SFXN3: variants seen among roughly 807,000 people sequenced by gnomAD.
SFXN3 encodes the protein sideroflexin 3.
A neutral mutation model predicts 40.4 loss-of-function variants in SFXN3; 31 were observed. The observed-to-expected ratio is 0.77, with a 90% CI of 0.58 to 1.04. The LOEUF is 1.04. SFXN3 is among the 50% of genes least tolerant of loss of function. The pLI, the probability that SFXN3 is intolerant of heterozygous loss-of-function variation, is 0.00. For synonymous variants in SFXN3, 157 were observed against 160.0 expected, an observed-to-expected ratio of 0.98 and a Z score of 0.14; for missense variants, 366 against 408.2, an observed-to-expected ratio of 0.90 and a Z score of 0.89.
rs1482692249 is a variant in SFXN3 at position 101,036,415 on chromosome 10, A to G, written c.432-71A>G. ...ATGCCTCATGTATTGAGGACTTGGC[A>G]TATCCCTAAAGGAAAGGGCCACCTG... On this transcript the variant is annotated intron_variant, in intron 5 of 11. Transcript: ENST00000393459. This position sits in a 1 kb window ranked among gnomAD's most constrained non-coding sequence, Gnocchi z 4.2. The G allele has an allele frequency of 1.4e-6, 2 of 1,442,696 alleles. No individual in the cohort carries two copies. Among genetic ancestry groups the G allele is most frequent in the East Asian group, 2.3e-5 (1 of 43,748 alleles). 89.4% of individuals were successfully genotyped at this position (1,442,696 alleles called of 1,614,324 possible).
Position 101,039,040 on chromosome 10 carries a change from C to T in SFXN3, c.822-135C>T, listed in dbSNP as rs990381221. ...GAACCTGATGTCCAGGTTGGGTTTA[C>T]TATTCCTAAAAGGTCCTTTCAGCTT... is the stretch of plus-strand genomic sequence containing the variant. On this transcript the variant is annotated intron_variant, in intron 10 of 11. Transcript: ENST00000393459. The surrounding 1 kb of genome is among the most constrained non-coding windows in gnomAD (Gnocchi z 4.6). The T allele has an allele frequency of 3.9e-6, 3 of 765,390 alleles. No homozygotes were observed. The African/African-American group carries it at 5.3e-5, about 14-fold the overall frequency. 47.4% of individuals were successfully genotyped at this position (765,390 alleles called of 1,614,324 possible). A position where few individuals can be genotyped will look rare whatever the true frequency, so the allele number is the denominator to read the frequency against.
In SFXN3 at chr10:101,037,495, ACT is replaced by A. The variant is rs1025014977; in HGVS notation, c.771+72_771+73del. The A allele has an allele frequency of 3.7e-6, 6 of 1,613,040 alleles. No homozygotes were observed. The African/African-American group carries it at 6.7e-5, about 18-fold the overall frequency. ...GGCTGGGAGAAGTGACCAGGCCCCAACTCTCTCTCCAGCCTCGCCTGATTCTC... is the reference window on the plus strand; with the variant it reads ...GGCTGGGAGAAGTGACCAGGCCCCAACTCTCTCCAGCCTCGCCTGATTCTC... On this transcript the variant is annotated intron_variant, in intron 9 of 11. Transcript: ENST00000393459.
At chr10:101,031,943 G>A (rs1938239324) in intron 1 of SFXN3, 1 of 153,864 alleles carries the variant, frequency 6.5e-6, no homozygotes, top group South Asian at 2.0e-4. Context: ...GGATACTGGG[G>A]TAGGAGCCCA....
chr10:101,034,641 G>C (rs777064559), intron 2 of SFXN3, 51 bp from the exon 3 acceptor site: 2 of 1,592,060 alleles, frequency 1.3e-6, no homozygotes, highest in African/African-American at 2.7e-5. Flanking sequence ...CCCCTAGCTG[G>C]AGCCCTTGGA....
At chr10:101,037,660 A>G in intron 9 of SFXN3, 9 of 1,431,240 alleles carry the variant, frequency 6.3e-6, no homozygotes, top group Non-Finnish European at 8.2e-6. Context: ...CAACTTCATC[A>G]GTGTTACTCC....
In SFXN3 at chr10:101,039,023, T is replaced by C. The variant is rs1029245357; in HGVS notation, c.822-152T>C. 1.4e-6 allele frequency: 1 copy of C among 692,950 alleles called. No homozygotes were observed. Among genetic ancestry groups the C allele is most frequent in the African/African-American group, 1.8e-5 (1 of 55,272 alleles). The allele number at this position is 692,950 out of a possible 1,614,324, so 42.9% of individuals were successfully genotyped here. A position where few individuals can be genotyped will look rare whatever the true frequency, so the allele number is the denominator to read the frequency against. ...GGGGCTCTCTTTCCTCAGAACCTGA[T>C]GTCCAGGTTGGGTTTACTATTCCTA... On this transcript the variant is annotated intron_variant, in intron 10 of 11. Transcript: ENST00000393459. This position sits in a 1 kb window ranked among gnomAD's most constrained non-coding sequence, Gnocchi z 4.6.
intron 3 of SFXN3, among the ~76,000 whole-genome samples, chr10:101,035,198 T>G (rs1280953806): frequency 6.6e-6 from 1 of 152,206 alleles, no homozygotes; most frequent in Non-Finnish European, 1.5e-5. Context: ...GAGGAAAAAC[T>G]CTTGCAATGC....
chr10:101,036,730 C>T lies in SFXN3; in HGVS notation c.515C>T (p.Pro172Leu). 6.2e-7 allele frequency: 1 copy of T among 1,610,418 alleles called. No homozygotes were observed. The highest frequency in any genetic ancestry group is 8.5e-7 in the Non-Finnish European group (1 of 1,177,042). ...AACACCCTTCCTCCCCAGCACCTGCCCCCCTTGGTCGGCAGATTTGTGCCC... is the reference window on the plus strand; with the variant it reads ...AACACCCTTCCTCCCCAGCACCTGCTCCCCTTGGTCGGCAGATTTGTGCCC... Residue 172 changes from proline (P) to leucine (L), a missense_variant, in exon 7 of 12, where the codon CCC (proline) becomes CTC (leucine). Pro to Leu is a moderately conservative substitution (Grantham distance 98). Transcript: ENST00000393459. The surrounding 1 kb of genome is among the most constrained non-coding windows in gnomAD (Gnocchi z 4.2).
Position 101,036,037 on chromosome 10 carries a change from A to T in SFXN3, c.367A>T (p.Asn123Tyr). Residue 123 changes from asparagine to tyrosine, a missense_variant, in exon 5 of 12, where the codon AAT becomes TAT. By Grantham distance (143) the Asn-to-Tyr change is moderately radical (BLOSUM62 -2). Coordinates refer to ENST00000393459, the Ensembl canonical transcript of SFXN3. The surrounding 1 kb of genome is among the most constrained non-coding windows in gnomAD (Gnocchi z 4.2). Reference sequence around the variant, plus strand: ...AACCGTGGTGTTCTGGCAGTGGGTGAATCAGTCCTTCAATGCCATTGTTAA... The same window carrying T: ...AACCGTGGTGTTCTGGCAGTGGGTGTATCAGTCCTTCAATGCCATTGTTAA... 6.2e-7 allele frequency: 1 copy of T among 1,614,054 alleles called. No homozygotes were observed. Among genetic ancestry groups the T allele is most frequent in the East Asian group, 2.2e-5 (1 of 44,884 alleles).
chr10:101,036,437 C>G lies in SFXN3; in HGVS notation c.432-49C>G. ...GGCATATCCCTAAAGGAAAGGGCCA[C>G]CTGCTGGACTTGTCACCTCTCCCCG... On this transcript the variant is annotated intron_variant, in intron 5 of 11. Coordinates refer to ENST00000393459, the Ensembl canonical transcript of SFXN3. This position sits in a 1 kb window ranked among gnomAD's most constrained non-coding sequence, Gnocchi z 4.2. 6.3e-7 allele frequency: 1 copy of G among 1,585,786 alleles called. No homozygotes were observed. The highest frequency in any genetic ancestry group is 2.2e-5 in the East Asian group (1 of 44,722).
At position 101,036,715 on chromosome 10, in the gene SFXN3, C is replaced by A; in HGVS notation, c.508-8C>A. ...TTAGGGCCACTGAACAACACCCTTCCTCCCCAGCACCTGCCCCCCTTGGTC... is the reference window on the plus strand; with the variant it reads ...TTAGGGCCACTGAACAACACCCTTCATCCCCAGCACCTGCCCCCCTTGGTC... On this transcript the variant is annotated splice_region_variant and splice_polypyrimidine_tract_variant and intron_variant, in intron 6 of 11. Coordinates refer to ENST00000393459, the Ensembl canonical transcript of SFXN3. This position sits in a 1 kb window ranked among gnomAD's most constrained non-coding sequence, Gnocchi z 4.2. 1 of 1,606,334 alleles carries A rather than the reference C, an allele frequency of 6.2e-7. No homozygotes were observed.
chr10:101,037,315 C>A, intron 8 of SFXN3, 67 bp from the exon 9 acceptor site: 7 of 1,614,054 alleles, frequency 4.3e-6, no homozygotes, highest in African/African-American at 1.3e-5. Context: ...AGGGGGGTCA[C>A]CCTTCACAGT....
chr10:101,032,490 C>T lies in SFXN3; in HGVS notation c.-4+8C>T, dbSNP rs1364428342. The T allele has an allele frequency of 1.3e-6, 2 of 1,540,876 alleles. No individual in the cohort carries two copies. Among genetic ancestry groups the T allele is most frequent in the African/African-American group, 1.4e-5 (1 of 71,326 alleles). On this transcript the variant is annotated splice_region_variant and intron_variant, in intron 2 of 11. Coordinates refer to ENST00000393459, the Ensembl canonical transcript of SFXN3. ...CAGAGAGCGATGGAAAGCGTAAGTGCTCGCTCTCCCCGGCGGGCGGGGTTC... is the reference window on the plus strand; with the variant it reads ...CAGAGAGCGATGGAAAGCGTAAGTGTTCGCTCTCCCCGGCGGGCGGGGTTC...
At position 101,034,678 on chromosome 10, in the gene SFXN3, T is replaced by C; in HGVS notation, c.-3-14T>C. ...CCTTGGACTCCCGCTCTGACCCTTA[T>C]CTCTGTCCTGCAGAAAATGGGTGAA... On this transcript the variant is annotated splice_polypyrimidine_tract_variant and intron_variant, in intron 2 of 11. Coordinates refer to ENST00000393459, the Ensembl canonical transcript of SFXN3. The C allele has an allele frequency of 3.7e-6, 6 of 1,613,646 alleles. No homozygotes were observed. Among genetic ancestry groups the C allele is most frequent in the Non-Finnish European group, 5.1e-6 (6 of 1,179,704 alleles).
At chr10:101,032,189 C>T (rs980333712) in intron 1 of SFXN3, 125 bp from the exon 2 acceptor site, 3 of 390,624 alleles carry the variant, frequency 7.7e-6, no homozygotes, top group African/African-American at 4.2e-5. Context: ...GCCCCTCCTC[C>T]CTTTGGCTGG....
Position 101,037,096 on chromosome 10 carries a change from C to T in SFXN3, c.614C>T (p.Pro205Leu), listed in dbSNP as rs866047191. 36 of 1,613,788 alleles carry T rather than the reference C, an allele frequency of 2.2e-5. No individual in the cohort carries two copies. The East Asian group carries it at 5.3e-4, about 24-fold the overall frequency. The change falls in exon 8 of 12, where the codon CCG becomes CTG. Residue 205 changes from proline to leucine, a missense_variant. Pro to Leu is a moderately conservative substitution (Grantham distance 98, BLOSUM62 -3). Coordinates refer to ENST00000393459, the Ensembl canonical transcript of SFXN3. ...TGCAGAGAGCTGCAGGTGGGCATCC[C>T]GGTGGCTGATGAGGCAGGTCAGAGG...
At chr10:101,033,615 A>T (rs1938435631) in intron 2 of SFXN3, among the ~76,000 whole-genome samples, 1 of 152,224 alleles carries the variant, frequency 6.6e-6, no homozygotes, top group Non-Finnish European at 1.5e-5. Context: ...TAAGACACAG[A>T]GACAAAGTAT....
At chr10:101,033,810 T>A (rs1486463302) in intron 2 of SFXN3, among the ~76,000 whole-genome samples, 1 of 152,026 alleles carries the variant, frequency 6.6e-6, no homozygotes, top group Non-Finnish European at 1.5e-5. Context: ...AGCAAAAGAA[T>A]CTATGTCATA....
chr10:101,033,477 G>A (rs1157550028), intron 2 of SFXN3, among the ~76,000 whole-genome samples: 1 of 152,110 alleles, frequency 6.6e-6, no homozygotes, highest in East Asian at 1.9e-4. Context: ...AGGTCCCTGG[G>A]CTGGGACATT....
Sources: allele counts gnomAD v4.1 joint callset (sites outside exome capture counted in the v4.1 genomes callset), GRCh38; gene constraint gnomAD v4.1.1; non-coding constraint Gnocchi (gnomAD v3.1); transcripts MANE v1.5; gene names NCBI Gene and HGNC (gene_info 2026-07-23, HGNC 2026-07-21).